TRHDE: variants seen among roughly 807,000 people sequenced by gnomAD.
TRHDE encodes thyrotropin-releasing hormone-degrading ectoenzyme.
In TRHDE, 72 loss-of-function variants were observed where a neutral mutation model predicts 125.7. The observed-to-expected ratio is 0.57, with a 90% CI of 0.47 to 0.70. The LOEUF (loss-of-function observed/expected upper bound fraction) is 0.70, where lower values mean the gene tolerates loss of function less well. Among genes scored for constraint, TRHDE ranks in the 30% least tolerant of loss-of-function variants. The pLI is 0.00. For synonymous variants in TRHDE, 509 were observed against 509.1 expected, an observed-to-expected ratio of 1.00 and a Z score of 0.00; for missense variants, 1,110 against 1,327.1, an observed-to-expected ratio of 0.84 and a Z score of 2.54.
intron 12 of TRHDE, among the ~76,000 whole-genome samples, chr12:72,607,498 C>G (rs903975927): frequency 7.0e-6 from 1 of 142,862 alleles, no homozygotes; most frequent in Non-Finnish European, 1.5e-5. Context: ...TACTATTTGG[C>G]AACCAGTGAT....
In TRHDE at chr12:72,273,519, C is replaced by T. The variant is rs1186625106; in HGVS notation, c.876C>T (p.Gly292=). 1.9e-6 allele frequency: 3 copies of T among 1,606,894 alleles called. No homozygotes were observed. The highest frequency in any genetic ancestry group is 1.7e-6 in the Non-Finnish European group (2 of 1,179,876). The part of the protein sequence containing the change: ...YNALIENELL[G]FFRSSYVLHG... ...CGCTCATCGAGAATGAGCTCCTGGG[C>T]TTCTTCCGCAGCTCCTATGTGCTCC... is the stretch of plus-strand genomic sequence containing the variant. The change falls in exon 1 of 19, where the codon GGC becomes GGT. Residue 292 remains glycine (G), a synonymous_variant. Transcript: ENST00000261180. The surrounding 1 kb of genome is among the most constrained non-coding windows in gnomAD (Gnocchi z 5.3).
chr12:72,651,274 A>G (rs1360993866), intron 15 of TRHDE, among the ~76,000 whole-genome samples: 1 of 152,080 alleles, frequency 6.6e-6, no homozygotes, highest in Non-Finnish European at 1.5e-5. Flanking sequence ...TTCTGATTGT[A>G]GCCCTTCTTA....
At chr12:72,495,664 G>A (rs752978568) in intron 5 of TRHDE, among the ~76,000 whole-genome samples, 5 of 151,890 alleles carry the variant, frequency 3.3e-5, no homozygotes, top group Admixed American at 6.6e-5. Context: ...CCTAGATTTC[G>A]CTGATATATT....
At position 72,612,470 on chromosome 12, in the gene TRHDE, C is replaced by T. The variant is rs539783259; in HGVS notation, c.2322-6421C>T. 1.8e-4 allele frequency among the ~76,000 whole-genome samples: 27 copies of T among 152,272 alleles called. No homozygotes were observed. The South Asian group carries it at 5.4e-3, about 30-fold the overall frequency. On this transcript the variant is annotated intron_variant, in intron 12 of 18. Transcript: ENST00000261180. ...AGAGAGGTATTTTGAGAGGTTGCCT[C>T]ATGGGGTAGAACCAGCAGGAGCTTG...
At chr12:72,275,433 C>T (rs1034049531) in intron 1 of TRHDE, among the ~76,000 whole-genome samples, 7 of 152,124 alleles carry the variant, frequency 4.6e-5, no homozygotes, top group Admixed American at 2.0e-4. Flanking sequence ...ATATTTTAAA[C>T]CCCCTTCTAC....
chr12:72,329,900 G>A (rs888548832), intron 2 of TRHDE, among the ~76,000 whole-genome samples: 8 of 152,050 alleles, frequency 5.3e-5, no homozygotes, highest in Admixed American at 5.2e-4. Context: ...TGGCAGGAGC[G>A]GTGGAGGGAA....
intron 2 of TRHDE, among the ~76,000 whole-genome samples, chr12:72,319,393 A>T (rs1868969319): frequency 6.6e-6 from 1 of 152,172 alleles, no homozygotes; most frequent in Non-Finnish European, 1.5e-5. Context: ...GAAGTTATGG[A>T]TTTGACTTTA....
chr12:72,444,504 C>T (rs1270696082), intron 3 of TRHDE, among the ~76,000 whole-genome samples: 1 of 151,514 alleles, frequency 6.6e-6, no homozygotes, highest in Admixed American at 6.6e-5. Context: ...ATGATAGTTA[C>T]CCTTAAATAT....
chr12:72,155,983 G>A (rs939782960), intron 2 of TRHDE, among the ~76,000 whole-genome samples: 16 of 152,194 alleles, frequency 1.1e-4, no homozygotes, highest in Non-Finnish European at 5.9e-5. Context: ...GCTATGCCCT[G>A]CCCCCAGAGG....
chr12:72,472,011 C>T (rs965279079), intron 4 of TRHDE, among the ~76,000 whole-genome samples: 1 of 152,188 alleles, frequency 6.6e-6, no homozygotes, highest in Non-Finnish European at 1.5e-5. Context: ...TTCTCCTTCC[C>T]AAGCCTTTCT....
At chr12:72,197,957 T>C (rs1877477958) in intron 2 of TRHDE, among the ~76,000 whole-genome samples, 1 of 152,076 alleles carries the variant, frequency 6.6e-6, no homozygotes, top group Non-Finnish European at 1.5e-5. Flanking sequence ...TCAATAGCAG[T>C]CACTTCCTCA....
At chr12:72,388,069 C>T (rs1310806510) in intron 3 of TRHDE, among the ~76,000 whole-genome samples, 1 of 152,014 alleles carries the variant, frequency 6.6e-6, no homozygotes, top group Non-Finnish European at 1.5e-5. Flanking sequence ...CCCTCCTACT[C>T]CTCTCTGTTT....
intron 1 of TRHDE, among the ~76,000 whole-genome samples, chr12:72,278,957 G>A (rs912118911): frequency 4.6e-5 from 7 of 152,054 alleles, no homozygotes; most frequent in East Asian, 1.9e-4. Flanking sequence ...ATGCAATCCC[G>A]TTTGTCTATT....
chr12:72,533,925 G>A (rs749034249), intron 6 of TRHDE, among the ~76,000 whole-genome samples: 20 of 152,010 alleles, frequency 1.3e-4, no homozygotes, highest in Non-Finnish European at 1.9e-4. Context: ...CTTGAATATA[G>A]ACTACCCTGT....
intron 6 of TRHDE, among the ~76,000 whole-genome samples, chr12:72,506,468 TG>T: frequency 6.6e-6 from 1 of 152,316 alleles, no homozygotes; most frequent in Non-Finnish European, 1.5e-5. Flanking sequence ...TTTTGTGAAA[TG>T]TTTTGCATGT....
At chr12:72,354,618 T>C (rs1280717218) in intron 2 of TRHDE, among the ~76,000 whole-genome samples, 7 of 150,764 alleles carry the variant, frequency 4.6e-5, no homozygotes, top group African/African-American at 1.7e-4. Flanking sequence ...GATGCCCTTT[T>C]CCCAATTTCT....
chr12:72,469,488 G>A (rs958886468), intron 3 of TRHDE, among the ~76,000 whole-genome samples: 13 of 152,124 alleles, frequency 8.5e-5, no homozygotes, highest in African/African-American at 3.1e-4. Context: ...TTATTAGGAT[G>A]GGCCCATCAA....
At chr12:72,502,548 A>C (rs917046806) in intron 6 of TRHDE, among the ~76,000 whole-genome samples, 1 of 152,100 alleles carries the variant, frequency 6.6e-6, no homozygotes, top group Non-Finnish European at 1.5e-5. Context: ...TCCTAGATTT[A>C]TTATGGTTTA....
intron 6 of TRHDE, among the ~76,000 whole-genome samples, chr12:72,501,686 T>C (rs1281037306): frequency 6.6e-6 from 1 of 152,086 alleles, no homozygotes; most frequent in African/African-American, 2.4e-5. Flanking sequence ...GTTGTCACTA[T>C]AGTGCTAGCA....
Sources: allele counts gnomAD v4.1 joint callset (sites outside exome capture counted in the v4.1 genomes callset), GRCh38; gene constraint gnomAD v4.1.1; non-coding constraint Gnocchi (gnomAD v3.1); transcripts MANE v1.5; gene names NCBI Gene and HGNC (gene_info 2026-07-23, HGNC 2026-07-21).